Variants in MAP4K3 observed in about 807,000 individuals in gnomAD.
The protein encoded by MAP4K3 is mitogen-activated protein kinase kinase kinase kinase 3, also known as MAPK/ERK kinase kinase kinase 3.
MAP4K3 carries 94 observed loss-of-function variants against 143.5 expected under a neutral mutation model. The observed-to-expected ratio is 0.65, with a 90% CI of 0.55 to 0.78. The LOEUF is 0.78. Ranked by LOEUF, MAP4K3 falls within the 30% of genes least tolerant of loss-of-function variation. MAP4K3 has a pLI of 0.00. For synonymous variants in MAP4K3, 416 were observed against 347.2 expected, an observed-to-expected ratio of 1.20 and a Z score of -2.20; for missense variants, 1,077 against 1,068.1, an observed-to-expected ratio of 1.01 and a Z score of -0.12.
chr2:39,426,494 T>A (rs1241628362), intron 1 of MAP4K3, among the ~76,000 whole-genome samples: 1 of 152,072 alleles, frequency 6.6e-6, no homozygotes, highest in Non-Finnish European at 1.5e-5. Flanking sequence ...GTAAATGTCT[T>A]TCATTTTGAG....
At chr2:39,327,657 A>C (rs1683538952) in intron 8 of MAP4K3, among the ~76,000 whole-genome samples, 1 of 152,268 alleles carries the variant, frequency 6.6e-6, no homozygotes, top group Non-Finnish European at 1.5e-5. Flanking sequence ...TCTAACTTTC[A>C]AAACCCCTGG....
At chr2:39,267,440 A>G in intron 26 of MAP4K3, 193 bp from the exon 27 acceptor site, 1 of 535,930 alleles carries the variant, frequency 1.9e-6, no homozygotes, top group South Asian at 2.2e-5. Flanking sequence ...TGGGAGGCCG[A>G]GGTGGGCGGA....
chr2:39,305,352 G>T (rs1379795611), intron 15 of MAP4K3, among the ~76,000 whole-genome samples: 1 of 152,156 alleles, frequency 6.6e-6, no homozygotes, highest in East Asian at 1.9e-4. Flanking sequence ...ACACAGTACA[G>T]TGGTTTAGTT....
At chr2:39,435,323 A>G (rs1324242116) in intron 1 of MAP4K3, among the ~76,000 whole-genome samples, 1 of 152,156 alleles carries the variant, frequency 6.6e-6, no homozygotes, top group Non-Finnish European at 1.5e-5. Context: ...CCATTGTCCT[A>G]AACAAGTCCG....
rs778116148 is a variant in MAP4K3 at position 39,377,376 on chromosome 2, A to G, written c.154+690T>C. Among the ~76,000 whole-genome samples the G allele has an allele frequency of 2.6e-5, 4 of 152,094 alleles. No homozygotes were observed. The East Asian group carries it at 7.7e-4, about 29-fold the overall frequency. On this transcript the variant is annotated intron_variant, in intron 2 of 33. Transcript: ENST00000263881. ...TGTGGTACTCGGTCTAGACACTAGC[A>G]CAATTATAGACTTGCTTATGGTGGG...
At chr2:39,412,209 G>A (rs1395891196) in intron 1 of MAP4K3, among the ~76,000 whole-genome samples, 4 of 152,196 alleles carry the variant, frequency 2.6e-5, no homozygotes, top group East Asian at 1.9e-4. Context: ...CAGCTAGCGC[G>A]GGTCAGGGCC....
Position 39,303,453 on chromosome 2 carries a change from G to A in MAP4K3, c.1120-3652C>T, listed in dbSNP as rs559787832. Among the ~76,000 whole-genome samples, 5 of 152,206 alleles carry A rather than the reference G, an allele frequency of 3.3e-5. No homozygotes were observed. The South Asian group carries it at 1.0e-3, about 32-fold the overall frequency. The stretch of plus-strand genomic sequence containing the variant: ...CAGGCTCGGAAATGAATATTGGCAG[G>A]TGAGGCATACTATATACTTCTTCAG... On this transcript the variant is annotated intron_variant, in intron 15 of 33. Transcript: ENST00000263881.
chr2:39,310,132 C>G (rs530477676), intron 13 of MAP4K3, among the ~76,000 whole-genome samples: 10 of 152,252 alleles, frequency 6.6e-5, no homozygotes, highest in African/African-American at 2.4e-4. Flanking sequence ...TCCAAATCTT[C>G]TATTTTGAAA....
chr2:39,364,654 G>T (rs1010865732), intron 2 of MAP4K3, among the ~76,000 whole-genome samples: 4 of 152,236 alleles, frequency 2.6e-5, no homozygotes, highest in African/African-American at 4.8e-5. Flanking sequence ...GATCACCTGA[G>T]GCCAGGAGTA....
chr2:39,250,452 C>A lies in MAP4K3; in HGVS notation c.*166G>T. On this transcript the variant is annotated 3_prime_UTR_variant, in exon 34 of 34. Transcript: ENST00000263881. ...GTGTGGTTCAATATGCTAAATATAT[C>A]CATACCACTTAAAACAAAATTTTCC... The A allele has an allele frequency of 3.4e-6, 2 of 580,770 alleles. No homozygotes were observed. The highest frequency in any genetic ancestry group is 6.0e-6 in the Non-Finnish European group (2 of 332,130). The allele number at this position is 580,770 out of a possible 1,614,324, so 36.0% of individuals were successfully genotyped here.
chr2:39,306,626 C>CT lies in MAP4K3; in HGVS notation c.1119+1316dup, dbSNP rs200022793. On this transcript the variant is annotated intron_variant, in intron 15 of 33. Transcript: ENST00000263881. ...CTTCCTCTTTGATAATTTAAATCTA[C>CT]TTTTTTTTAAAGGAATCCGAGATTA... Among the ~76,000 whole-genome samples the CT allele has an allele frequency of 8.3e-3, 1,267 of 152,178 alleles. 19 individuals carry two copies. Among genetic ancestry groups the CT allele is most frequent in the African/African-American group, 0.026 (1,093 of 41,488 alleles).
chr2:39,417,851 G>C (rs975668940), intron 1 of MAP4K3, among the ~76,000 whole-genome samples: 2 of 152,020 alleles, frequency 1.3e-5, no homozygotes, highest in African/African-American at 4.8e-5. Flanking sequence ...ATCAGGCTAG[G>C]GCAGAGAAAT....
At chr2:39,307,076 A>C (rs374862393) in intron 15 of MAP4K3, among the ~76,000 whole-genome samples, 1 of 152,214 alleles carries the variant, frequency 6.6e-6, no homozygotes, top group East Asian at 1.9e-4. Flanking sequence ...TCCTAGATTA[A>C]AAAATTTATA....
At chr2:39,278,564 G>A (rs568201325) in intron 23 of MAP4K3, 78 bp from the exon 24 acceptor site, 18 of 750,872 alleles carry the variant, frequency 2.4e-5, no homozygotes, top group African/African-American at 1.3e-4. Context: ...CTAAACTTCC[G>A]TAAATAAGTA....
chr2:39,253,472 G>C (rs566929911), intron 32 of MAP4K3, among the ~76,000 whole-genome samples: 1 of 152,278 alleles, frequency 6.6e-6, no homozygotes, highest in East Asian at 1.9e-4. Flanking sequence ...TCAGGAACCA[G>C]GCCAAGCACA....
chr2:39,340,957 C>T (rs903899021), intron 4 of MAP4K3, among the ~76,000 whole-genome samples: 4 of 152,094 alleles, frequency 2.6e-5, no homozygotes, highest in African/African-American at 9.7e-5. Context: ...ACCTACTGTA[C>T]ATCTAACTAA....
intron 2 of MAP4K3, among the ~76,000 whole-genome samples, chr2:39,367,608 A>G (rs996340557): frequency 1.3e-5 from 2 of 152,038 alleles, no homozygotes; most frequent in African/African-American, 4.8e-5. Flanking sequence ...TCCCTAAAAA[A>G]AAAGTCTTAC....
At chr2:39,306,109 T>G (rs1682696534) in intron 15 of MAP4K3, among the ~76,000 whole-genome samples, 1 of 152,240 alleles carries the variant, frequency 6.6e-6, no homozygotes, top group South Asian at 2.1e-4. Context: ...ATTACAGGCA[T>G]GAGCCACCGT....
At chr2:39,385,551 CATATATATATAT>C (rs140387430) in intron 1 of MAP4K3, among the ~76,000 whole-genome samples, 11,075 of 110,990 alleles carry the variant, frequency 0.1, 722 homozygotes, top group Non-Finnish European at 0.12. Context: ...GAGCGTTCTT[CATATATATATAT>C]ATATATATAT....
Sources: gnomAD v4.1 joint callset for allele counts (sites outside exome capture counted in the v4.1 genomes callset) on GRCh38, gnomAD v4.1.1 for gene constraint, MANE v1.5 for transcripts, NCBI Gene and HGNC (gene_info 2026-07-23, HGNC 2026-07-21) for gene names.